Variants in ELMOD1 observed in about 807,000 individuals in gnomAD.
The protein encoded by ELMOD1 is ELMO domain-containing protein 1.
In ELMOD1, 21 loss-of-function variants were observed where a neutral mutation model predicts 46.7. The ratio of observed to expected loss-of-function variants is 0.45; its 90% confidence interval spans 0.32 to 0.65. ELMOD1 has a LOEUF of 0.65. Ranked by LOEUF, ELMOD1 falls within the 30% of genes least tolerant of loss-of-function variation. ELMOD1 has a pLI of 0.04. For missense variants in ELMOD1, 348 were observed against 407.8 expected (o/e 0.85, Z 1.26); for synonymous variants, 122 against 138.2 (o/e 0.88, Z 0.82).
chr11:107,617,507 T>A (rs977890218), intron 1 of ELMOD1, among the ~76,000 whole-genome samples: 7 of 152,194 alleles, frequency 4.6e-5, no homozygotes, highest in African/African-American at 1.7e-4. Context: ...GTACACTTTG[T>A]GAAAGCAAAT....
intron 1 of ELMOD1, among the ~76,000 whole-genome samples, chr11:107,615,452 C>G (rs1456957962): frequency 6.6e-6 from 1 of 151,906 alleles, no homozygotes; most frequent in African/African-American, 2.4e-5. Flanking sequence ...CCAGGATGGT[C>G]TCGATCTCCT....
chr11:107,611,263 G>A lies in ELMOD1; in HGVS notation c.-85-6842G>A, dbSNP rs79804249. On this transcript the variant is annotated intron_variant, in intron 1 of 11. Coordinates refer to ENST00000265840, the MANE Select transcript of ELMOD1 (RefSeq NM_018712.4). ...AATTAAACTAAAGAACTTCTGCATG[G>A]CAAAAGAAATTATTGACAAAGTAAA... 7.4e-3 allele frequency among the ~76,000 whole-genome samples: 1,122 copies of A among 152,132 alleles called. 10 individuals are homozygous for A. The highest frequency in any genetic ancestry group is 0.031 in the Middle Eastern group (9 of 294).
At chr11:107,631,172 T>C (rs377599659) in intron 4 of ELMOD1, among the ~76,000 whole-genome samples, 2 of 152,254 alleles carry the variant, frequency 1.3e-5, no homozygotes, top group South Asian at 2.1e-4. Context: ...TTCAAGATTC[T>C]TGATAATTTT....
chr11:107,635,202 G>A (rs1304212287), intron 5 of ELMOD1, among the ~76,000 whole-genome samples: 2 of 152,100 alleles, frequency 1.3e-5, no homozygotes, highest in South Asian at 2.1e-4. Context: ...CACCTGGGGG[G>A]TGCTATATAA....
At chr11:107,613,085 C>G (rs1021262198) in intron 1 of ELMOD1, among the ~76,000 whole-genome samples, 1 of 152,150 alleles carries the variant, frequency 6.6e-6, no homozygotes, top group Non-Finnish European at 1.5e-5. Flanking sequence ...CTCTCCCTCC[C>G]CACAGTCATC....
Position 107,623,067 on chromosome 11 carries a change from T to C in ELMOD1, c.17+4861T>C, listed in dbSNP as rs566344818. Among the ~76,000 whole-genome samples the C allele has an allele frequency of 1.6e-3, 243 of 152,320 alleles. 1 individual carries two copies. Among genetic ancestry groups the C allele is most frequent in the Admixed American group, 0.014 (215 of 15,284 alleles). On this transcript the variant is annotated intron_variant, in intron 2 of 11. Transcript: ENST00000265840. ...GTATACATGTGCCATGTTGGTGTGC[T>C]GTACCCATTAACTCATCATTTAACA...
At chr11:107,651,589 C>T (rs186397395) in intron 9 of ELMOD1, among the ~76,000 whole-genome samples, 5 of 152,206 alleles carry the variant, frequency 3.3e-5, no homozygotes, top group Admixed American at 6.5e-5. Context: ...ATATTTTATA[C>T]GATTAAAAAT....
At chr11:107,655,794 C>G (rs1237107750) in intron 10 of ELMOD1, 139 bp from the exon 11 acceptor site, 1 of 906,410 alleles carries the variant, frequency 1.1e-6, no homozygotes, top group Non-Finnish European at 1.6e-6. Flanking sequence ...CCCTTTTAGA[C>G]CATAAAGTGA....
chr11:107,618,344 G>C, intron 2 of ELMOD1, 138 bp downstream of exon 2: 1 of 1,019,468 alleles, frequency 9.8e-7, no homozygotes. Flanking sequence ...CTGCATTTTT[G>C]CTAAGAATAA....
rs1273186995 is a variant in ELMOD1 at position 107,665,579 on chromosome 11, T to G, written c.*382T>G. The G allele has an allele frequency of 1.2e-5, 2 of 169,564 alleles. No individual in the cohort carries two copies. Among genetic ancestry groups the G allele is most frequent in the East Asian group, 1.6e-4 (1 of 6,086 alleles). 10.5% of individuals were successfully genotyped at this position (169,564 alleles called of 1,614,324 possible). A position where few individuals can be genotyped will look rare whatever the true frequency, so the allele number is the denominator to read the frequency against. The stretch of plus-strand genomic sequence containing the variant: ...TCTCATTCTGTGAAAGCCTTTTAAT[T>G]TATTGAAATGTTTCATGACTACTGC... On this transcript the variant is annotated 3_prime_UTR_variant, in exon 12 of 12. Coordinates refer to ENST00000265840, the MANE Select transcript of ELMOD1 (RefSeq NM_018712.4).
At chr11:107,611,475 C>T (rs145647869) in intron 1 of ELMOD1, among the ~76,000 whole-genome samples, 5,412 of 151,940 alleles carry the variant, frequency 0.036, 128 homozygotes, top group African/African-American at 0.06. Flanking sequence ...CCGAGGTGGG[C>T]GGATCACAAG....
chr11:107,626,640 C>G (rs1866047684), intron 2 of ELMOD1, among the ~76,000 whole-genome samples: 1 of 137,852 alleles, frequency 7.3e-6, no homozygotes, highest in African/African-American at 2.9e-5. Context: ...TTTTCTTTCC[C>G]TCTCTCTTTC....
chr11:107,598,100 A>C (rs1275459168), intron 1 of ELMOD1, among the ~76,000 whole-genome samples: 2 of 152,156 alleles, frequency 1.3e-5, no homozygotes, highest in African/African-American at 4.8e-5. Context: ...ATGCCATCTG[A>C]ATCTCTTTTC....
intron 1 of ELMOD1, chr11:107,592,313 C>A (rs754742047): frequency 3.8e-6 from 2 of 531,898 alleles, no homozygotes; most frequent in East Asian, 1.1e-4. Flanking sequence ...CTTTCCCCCA[C>A]CACCTAGGAA....
At chr11:107,604,617 A>G (rs1865657088) in intron 1 of ELMOD1, among the ~76,000 whole-genome samples, 1 of 152,218 alleles carries the variant, frequency 6.6e-6, no homozygotes, top group East Asian at 1.9e-4. Context: ...TTAAGGGCAC[A>G]TAAAATAATG....
chr11:107,621,685 T>TCCCCCCA (rs57723188), intron 2 of ELMOD1, among the ~76,000 whole-genome samples: 1 of 151,124 alleles, frequency 6.6e-6, no homozygotes, highest in East Asian at 1.9e-4. Flanking sequence ...TTGTGTCACA[T>TCCCCCCA]TACCCCATTA....
chr11:107,659,255 G>A (rs1033893550), intron 11 of ELMOD1, among the ~76,000 whole-genome samples: 4 of 152,150 alleles, frequency 2.6e-5, no homozygotes, highest in South Asian at 2.1e-4. Flanking sequence ...GCCTCTTGCC[G>A]TGTTTCCCTG....
intron 11 of ELMOD1, 92 bp from the exon 12 acceptor site, chr11:107,664,933 T>C (rs954048458): frequency 2.4e-6 from 3 of 1,240,148 alleles, no homozygotes; most frequent in Admixed American, 4.2e-5. Flanking sequence ...TGTGGCTTGG[T>C]TCAGCATCTT....
intron 1 of ELMOD1, among the ~76,000 whole-genome samples, chr11:107,613,706 G>A (rs551943951): frequency 6.6e-6 from 1 of 152,198 alleles, no homozygotes; most frequent in South Asian, 2.1e-4. Context: ...TAACAGTACA[G>A]AATTGTTAAA....
Sources: gnomAD v4.1 joint callset for allele counts (sites outside exome capture counted in the v4.1 genomes callset) on GRCh38, gnomAD v4.1.1 for gene constraint, MANE v1.5 for transcripts, NCBI Gene and HGNC (gene_info 2026-07-23, HGNC 2026-07-21) for gene names.